ZCCHC4: variants seen among roughly 807,000 people sequenced by gnomAD.
ZCCHC4 encodes the protein zinc finger CCHC-type containing 4.
ZCCHC4 carries 54 observed loss-of-function variants against 67.7 expected under a neutral mutation model. The observed-to-expected ratio is 0.80, with a 90% confidence interval of 0.64 to 1.00. The LOEUF is 1.00. Ranked by LOEUF, ZCCHC4 falls within the 50% of genes least tolerant of loss-of-function variation. The pLI, the probability that ZCCHC4 is intolerant of heterozygous loss-of-function variation, is 0.00. For synonymous variants in ZCCHC4, 198 were observed against 213.5 expected (o/e 0.93, Z 0.63); for missense variants, 609 against 617.0 (o/e 0.99, Z 0.14).
chr4:25,315,815 C>T (rs1379819539), intron 3 of ZCCHC4, among the ~76,000 whole-genome samples: 1 of 151,602 alleles, frequency 6.6e-6, no homozygotes, highest in Non-Finnish European at 1.5e-5. Flanking sequence ...CTGGGCTCAA[C>T]CAGTCCTCCA....
chr4:25,344,668 TAATTC>T (rs1481234616), intron 5 of ZCCHC4, among the ~76,000 whole-genome samples: 1 of 151,758 alleles, frequency 6.6e-6, no homozygotes, highest in Non-Finnish European at 1.5e-5. Context: ...CAAAACAAAA[TAATTC>T]AATCAGTAAA....
At chr4:25,358,836 A>C (rs1720614501) in intron 8 of ZCCHC4, among the ~76,000 whole-genome samples, 1 of 152,246 alleles carries the variant, frequency 6.6e-6, no homozygotes, top group Non-Finnish European at 1.5e-5. Flanking sequence ...AACGCTGTAC[A>C]TATGGCCTGT....
chr4:25,365,196 A>T (rs2109095494), intron 12 of ZCCHC4, 30 bp downstream of exon 12: 1 of 1,612,534 alleles, frequency 6.2e-7, no homozygotes, highest in Non-Finnish European at 8.5e-7. Flanking sequence ...AGAAAAATGT[A>T]TTCCATCTGT....
At chr4:25,334,145 T>C (rs1408584197) in intron 5 of ZCCHC4, among the ~76,000 whole-genome samples, 157 bp downstream of exon 5, 1 of 152,230 alleles carries the variant, frequency 6.6e-6, no homozygotes, top group East Asian at 1.9e-4. Context: ...AAATTCAACA[T>C]GTAATCTGTA....
chr4:25,366,170 A>G (rs1560419005), intron 12 of ZCCHC4: 1 of 983,152 alleles, frequency 1.0e-6, no homozygotes. Flanking sequence ...TTTTTTTTCC[A>G]TTGTGGTCTA....
At chr4:25,352,649 C>G (rs1362561945) in intron 8 of ZCCHC4, 1 of 153,236 alleles carries the variant, frequency 6.5e-6, no homozygotes, top group East Asian at 1.9e-4. Flanking sequence ...CTCATGGCCT[C>G]AAGTGATCTG....
intron 12 of ZCCHC4, among the ~76,000 whole-genome samples, chr4:25,367,641 T>A (rs1417913846): frequency 6.6e-6 from 1 of 152,230 alleles, no homozygotes; most frequent in East Asian, 1.9e-4. Context: ...TATAATACTG[T>A]AAAGATGACT....
chr4:25,368,989 G>T, intron 12 of ZCCHC4, 40 bp from the exon 13 acceptor site: 1 of 1,586,432 alleles, frequency 6.3e-7, no homozygotes, highest in East Asian at 2.2e-5. Context: ...ATAATTCACT[G>T]TGCTCATTCT....
intron 8 of ZCCHC4, among the ~76,000 whole-genome samples, chr4:25,356,712 A>C (rs796588194): frequency 3.9e-5 from 6 of 152,174 alleles, no homozygotes; most frequent in African/African-American, 1.2e-4. Context: ...TAAATGCTCA[A>C]AATATCTTTG....
At chr4:25,327,071 G>T (rs1718918578) in intron 3 of ZCCHC4, among the ~76,000 whole-genome samples, 1 of 152,162 alleles carries the variant, frequency 6.6e-6, no homozygotes, top group South Asian at 2.1e-4. Context: ...TTACTTACTA[G>T]TTCTAGCAGG....
chr4:25,367,168 T>A (rs1429693631), intron 12 of ZCCHC4, among the ~76,000 whole-genome samples: 1 of 152,188 alleles, frequency 6.6e-6, no homozygotes, highest in Non-Finnish European at 1.5e-5. Context: ...TTTTCCTTGG[T>A]GTTAATTTTT....
intron 3 of ZCCHC4, among the ~76,000 whole-genome samples, chr4:25,319,130 TC>T (rs1718437205): frequency 6.6e-6 from 1 of 152,214 alleles, no homozygotes; most frequent in Non-Finnish European, 1.5e-5. Flanking sequence ...ACGCCTGTAA[TC>T]CCAGCACTTT....
intron 3 of ZCCHC4, among the ~76,000 whole-genome samples, chr4:25,327,752 G>C (rs1365069920): frequency 6.6e-6 from 1 of 152,164 alleles, no homozygotes; most frequent in African/African-American, 2.4e-5. Context: ...AGAGTGCTGG[G>C]ATTAGAGGCA....
chr4:25,313,826 G>C (rs6448353), intron 1 of ZCCHC4, among the ~76,000 whole-genome samples: 67,373 of 152,040 alleles, frequency 0.44, 16,678 homozygotes, highest in Non-Finnish European at 0.56. Flanking sequence ...GATTGTGCCA[G>C]TGCGCTTCAG....
At chr4:25,355,978 T>C (rs1264250419) in intron 8 of ZCCHC4, among the ~76,000 whole-genome samples, 2 of 152,214 alleles carry the variant, frequency 1.3e-5, no homozygotes, top group Non-Finnish European at 2.9e-5. Context: ...CTGTCTTATT[T>C]AATCTTTCTT....
intron 1 of ZCCHC4, 131 bp downstream of exon 1, chr4:25,313,067 C>A: frequency 7.6e-7 from 1 of 1,323,116 alleles, no homozygotes; most frequent in East Asian, 2.4e-5. Flanking sequence ...GAAAATACTC[C>A]TTCCTCGGAA....
chr4:25,343,960 A>C (rs1255929473), intron 5 of ZCCHC4, among the ~76,000 whole-genome samples: 1 of 152,186 alleles, frequency 6.6e-6, no homozygotes, highest in Non-Finnish European at 1.5e-5. Flanking sequence ...AATTATGTGT[A>C]ATAAAATAGT....
intron 3 of ZCCHC4, among the ~76,000 whole-genome samples, chr4:25,315,900 A>C (rs1010126101): frequency 6.6e-6 from 1 of 151,906 alleles, no homozygotes; most frequent in Non-Finnish European, 1.5e-5. Context: ...TTTTTTATAG[A>C]GATAAGGTCT....
At chr4:25,357,374 G>A (rs1347619114) in intron 8 of ZCCHC4, among the ~76,000 whole-genome samples, 4 of 152,206 alleles carry the variant, frequency 2.6e-5, no homozygotes, top group Non-Finnish European at 5.9e-5. Flanking sequence ...AAGTTTCCTT[G>A]TTGTGATACT....
Sources: gnomAD v4.1 joint callset for allele counts (sites outside exome capture counted in the v4.1 genomes callset) on GRCh38, gnomAD v4.1.1 for gene constraint, MANE v1.5 for transcripts, NCBI Gene and HGNC (gene_info 2026-07-23, HGNC 2026-07-21) for gene names.